The following FUT9 variants were observed in gnomAD, a reference collection of about 807,000 sequenced individuals.
The protein encoded by FUT9 is 4-galactosyl-N-acetylglucosaminide 3-alpha-L-fucosyltransferase 9.
Under a neutral mutation model 29.7 loss-of-function variants are expected in FUT9, and 15 were observed. The ratio of observed to expected loss-of-function variants is 0.51; its 90% CI spans 0.34 to 0.78. The LOEUF (loss-of-function observed/expected upper bound fraction) is 0.78, where lower values mean the gene tolerates loss of function less well. FUT9 is among the 30% of genes least tolerant of loss of function. The pLI is 0.01. For synonymous variants in FUT9, 169 were observed against 153.7 expected, an observed-to-expected ratio of 1.10 and a Z score of -0.74; for missense variants, 319 against 425.4, an observed-to-expected ratio of 0.75 and a Z score of 2.20.
At chr6:96,096,537 T>C (rs1771499162) in intron 1 of FUT9, among the ~76,000 whole-genome samples, 1 of 152,106 alleles carries the variant, frequency 6.6e-6, no homozygotes, top group Admixed American at 6.6e-5. Context: ...TCCCTTAATC[T>C]ATCTAATCTT....
chr6:96,039,355 A>G (rs1770414969), intron 1 of FUT9, among the ~76,000 whole-genome samples: 1 of 152,170 alleles, frequency 6.6e-6, no homozygotes, highest in Admixed American at 6.6e-5. Context: ...GGTGATAAAC[A>G]ACAATCACGT....
At position 96,110,201 on chromosome 6, in the gene FUT9, C is replaced by T. The variant is rs181367653; in HGVS notation, c.-97-3838C>T. On this transcript the variant is annotated intron_variant, in intron 1 of 2. Transcript: ENST00000302103. ...TCTTCTAATGGCCTTGCTAATTCAG[C>T]CTGCCCTTGATCTTGGTGCTCAGAT... 1.7e-3 allele frequency among the ~76,000 whole-genome samples: 262 copies of T among 152,246 alleles called. 2 individuals are homozygous for T. The highest frequency in any genetic ancestry group is 5.1e-3 in the Admixed American group (78 of 15,292).
chr6:96,129,560 A>G (rs1053625873), intron 2 of FUT9, among the ~76,000 whole-genome samples: 3 of 152,030 alleles, frequency 2.0e-5, no homozygotes, highest in Non-Finnish European at 4.4e-5. Context: ...TAAAAATCAT[A>G]TATATGTATA....
chr6:96,050,925 A>T (rs1770655176), intron 1 of FUT9, among the ~76,000 whole-genome samples: 1 of 152,194 alleles, frequency 6.6e-6, no homozygotes, highest in African/African-American at 2.4e-5. Context: ...TAATAATGTA[A>T]GACCTCATTG....
At chr6:96,062,765 A>G (rs190441945) in intron 1 of FUT9, among the ~76,000 whole-genome samples, 2 of 152,314 alleles carry the variant, frequency 1.3e-5, no homozygotes, top group South Asian at 2.1e-4. Flanking sequence ...TATAAAAATA[A>G]GAGGAAAATA....
Position 96,096,684 on chromosome 6 carries a change from A to ATGTGTGTGTGTGTGTGTGTGTGTGTG in FUT9, c.-97-17332_-97-17331insGTGTGTGTGTGTGTGTGTGTGTGTGT, listed in dbSNP as rs1243489757. On this transcript the variant is annotated intron_variant, in intron 1 of 2. Coordinates refer to ENST00000302103, the MANE Select transcript of FUT9 (RefSeq NM_006581.4). ...TGTCTAGTGTGTTAGTGTCTAAGGC[A>ATGTGTGTGTGTGTGTGTGTGTGTGTG]TGTGTGTGTGTGTGTGTGTGTGTCT... Among the ~76,000 whole-genome samples, 202 of 140,856 alleles carry ATGTGTGTGTGTGTGTGTGTGTGTGTG rather than the reference A, an allele frequency of 1.4e-3. 5 individuals carry two copies. The highest frequency in any genetic ancestry group is 8.4e-3 in the Admixed American group (115 of 13,696). 92.4% of individuals were successfully genotyped at this position (140,856 alleles called of 152,430 possible). A position where few individuals can be genotyped will look rare whatever the true frequency, so the allele number is the denominator to read the frequency against.
intron 1 of FUT9, among the ~76,000 whole-genome samples, chr6:96,110,242 C>T (rs1264243219): frequency 6.6e-6 from 1 of 152,148 alleles, no homozygotes; most frequent in Non-Finnish European, 1.5e-5. Flanking sequence ...AGAGTCTCTA[C>T]TACTTTTCTC....
intron 1 of FUT9, 134 bp downstream of exon 1, chr6:96,016,346 T>C (rs1183211959): frequency 6.6e-6 from 1 of 152,274 alleles, no homozygotes; most frequent in African/African-American, 2.4e-5. Flanking sequence ...GGGAGGGTGT[T>C]GCTCTGTGGT....
chr6:96,100,422 T>C (rs1433732368), intron 1 of FUT9, among the ~76,000 whole-genome samples: 1 of 152,146 alleles, frequency 6.6e-6, no homozygotes, highest in Non-Finnish European at 1.5e-5. Context: ...AGGAAATACT[T>C]TGATGTCAAT....
intron 2 of FUT9, among the ~76,000 whole-genome samples, chr6:96,126,461 G>T (rs1023662706): frequency 6.6e-6 from 1 of 152,092 alleles, no homozygotes; most frequent in African/African-American, 2.4e-5. Context: ...TTCAGGCCCC[G>T]CCTCCAACAA....
chr6:96,127,287 TG>T (rs1463551151), intron 2 of FUT9, among the ~76,000 whole-genome samples: 1 of 152,208 alleles, frequency 6.6e-6, no homozygotes, highest in Non-Finnish European at 1.5e-5. Context: ...TAAGAATACA[TG>T]ATACTTAGTT....
At chr6:96,160,441 T>A (rs765316143) in intron 2 of FUT9, among the ~76,000 whole-genome samples, 3 of 152,232 alleles carry the variant, frequency 2.0e-5, no homozygotes, top group Non-Finnish European at 4.4e-5. Flanking sequence ...TTGCTTTACC[T>A]GATTTGAAGA....
chr6:96,179,277 A>G (rs1484095538), intron 2 of FUT9, among the ~76,000 whole-genome samples: 1 of 152,124 alleles, frequency 6.6e-6, no homozygotes, highest in African/African-American at 2.4e-5. Flanking sequence ...GTAGATATTT[A>G]TGTCTCCCGT....
intron 1 of FUT9, among the ~76,000 whole-genome samples, chr6:96,023,379 G>A (rs1770107840): frequency 2.0e-5 from 3 of 151,856 alleles, no homozygotes; most frequent in Non-Finnish European, 4.4e-5. Flanking sequence ...CATTGCAATG[G>A]AAGCTTCTAA....
Position 96,209,984 on chromosome 6 carries a change from C to G in FUT9, c.*5749C>G, listed in dbSNP as rs1471976245. The G allele has an allele frequency of 6.0e-6, 1 of 166,842 alleles. No individual in the cohort carries two copies. Among genetic ancestry groups the G allele is most frequent in the Non-Finnish European group, 1.5e-5 (1 of 68,048 alleles). 10.3% of individuals were successfully genotyped at this position (166,842 alleles called of 1,614,324 possible). On this transcript the variant is annotated 3_prime_UTR_variant, in exon 3 of 3. Coordinates refer to ENST00000302103, the MANE Select transcript of FUT9 (RefSeq NM_006581.4). Reference sequence around the variant, plus strand: ...CATCCTGTCCTAAACTAGCAGTTCTCAAACATGCATATGCCTTTGAAACTT... The same window carrying G: ...CATCCTGTCCTAAACTAGCAGTTCTGAAACATGCATATGCCTTTGAAACTT...
rs751475210 is a variant in FUT9 at position 96,204,154 on chromosome 6, T to C, written c.999T>C (p.His333=). Residue 333 remains histidine, a synonymous_variant, in exon 3 of 3, where the codon CAT becomes CAC. Transcript: ENST00000302103. ...ATCTTCCACGATTTTGGGAATCACA[T>C]GCATGTTTGGCTTGCGATCATGTGA... The part of the protein sequence containing the change: ...TVNLPRFWES[H]ACLACDHVKR... The C allele has an allele frequency of 3.3e-6, 5 of 1,498,194 alleles. No homozygotes were observed. In the African/African-American group the frequency reaches 5.6e-5, roughly 17 times the overall value. The allele number at this position is 1,498,194 out of a possible 1,614,324, so 92.8% of individuals were successfully genotyped here.
chr6:96,131,601 A>G (rs922582080), intron 2 of FUT9, among the ~76,000 whole-genome samples: 2 of 152,146 alleles, frequency 1.3e-5, no homozygotes, highest in African/African-American at 4.8e-5. Flanking sequence ...CTAGACCTTC[A>G]GAGGAAATAT....
intron 1 of FUT9, among the ~76,000 whole-genome samples, chr6:96,089,044 T>C (rs2127953224): frequency 6.6e-6 from 1 of 152,308 alleles, no homozygotes; most frequent in Non-Finnish European, 1.5e-5. Flanking sequence ...CTCTTCTACA[T>C]ACTCTTCTTG....
At position 96,203,313 on chromosome 6, in the gene FUT9, T is replaced by C. The variant is rs1773762716; in HGVS notation, c.158T>C (p.Phe53Ser). ...SASSVLKMKN[F>S]FSTKTDYFNE... The stretch of plus-strand genomic sequence containing the variant: ...AGCTCTGTGCTGAAAATGAAAAACT[T>C]CTTTTCCACCAAAACTGATTATTTT... Residue 53 changes from phenylalanine (F) to serine (S), a missense_variant, in exon 3 of 3, where the codon TTC becomes TCC. Physicochemically the swap from Phe to Ser is radical, Grantham distance 155. Coordinates refer to ENST00000302103, the MANE Select transcript of FUT9 (RefSeq NM_006581.4). The C allele has an allele frequency of 6.2e-7, 1 of 1,613,858 alleles. No homozygotes were observed. The highest frequency in any genetic ancestry group is 8.5e-7 in the Non-Finnish European group (1 of 1,179,930).
Sources: gnomAD v4.1 joint callset for allele counts (sites outside exome capture counted in the v4.1 genomes callset) on GRCh38, gnomAD v4.1.1 for gene constraint, MANE v1.5 for transcripts, NCBI Gene and HGNC (gene_info 2026-07-23, HGNC 2026-07-21) for gene names.